The following UGT1A8 variants were observed in gnomAD, a reference collection of about 807,000 sequenced individuals.
UGT1A8 encodes the protein UDP-glucuronosyltransferase 1A8.
Under a neutral mutation model 45.3 loss-of-function variants are expected in UGT1A8, and 39 were observed. The observed-to-expected ratio is 0.86, with a 90% CI of 0.67 to 1.12. UGT1A8 has a LOEUF of 1.12. UGT1A8 is among the 50% of genes most tolerant of loss of function. The pLI, the probability that UGT1A8 is intolerant of heterozygous loss-of-function variation, is 0.00. For synonymous variants in UGT1A8, 275 were observed against 249.2 expected (o/e 1.10, Z -0.97); for missense variants, 719 against 664.9 (o/e 1.08, Z -0.90).
At chr2:233,632,394 G>A (rs956662360) in intron 1 of UGT1A8, among the ~76,000 whole-genome samples, 3 of 152,048 alleles carry the variant, frequency 2.0e-5, no homozygotes, top group African/African-American at 7.2e-5. Flanking sequence ...AGCTTGATGT[G>A]GATAGCATTC....
Position 233,720,632 on chromosome 2 carries a change from G to A in UGT1A8, c.856-46402G>A, listed in dbSNP as rs527749966. 4.6e-5 allele frequency among the ~76,000 whole-genome samples: 7 copies of A among 151,594 alleles called. No homozygotes were observed. In the South Asian group the frequency reaches 1.3e-3, roughly 27 times the overall value. ...AGAATATTTGGGTTTCATTGAAATA[G>A]TACTCTGGGATGTGAAAAACCAAAT... On this transcript the variant is annotated intron_variant, in intron 1 of 4. Coordinates refer to ENST00000373450, the MANE Select transcript of UGT1A8 (RefSeq NM_019076.5).
intron 1 of UGT1A8, chr2:233,692,487 T>G: frequency 1.2e-5 from 2 of 165,804 alleles, no homozygotes; most frequent in Admixed American, 1.1e-4. Context: ...AGGGCAGTCT[T>G]GTAGGACTGA....
chr2:233,666,325 A>T (rs1305476678), intron 1 of UGT1A8, among the ~76,000 whole-genome samples: 1 of 152,184 alleles, frequency 6.6e-6, no homozygotes, highest in Non-Finnish European at 1.5e-5. Context: ...TCAACACTTG[A>T]TTTGGGAGGG....
rs923057819 is a variant in UGT1A8 at position 233,747,207 on chromosome 2, T to G, written c.856-19827T>G. ...TGGACAGTCAGCTGTCCGTGTCTTC[T>G]GCTGAGATGGCCACAGGACCCCAGG... On this transcript the variant is annotated intron_variant, in intron 1 of 4. Transcript: ENST00000373450. The G allele has an allele frequency of 3.1e-6, 5 of 1,605,116 alleles. No individual in the cohort carries two copies. In the African/African-American group the frequency reaches 4.0e-5, roughly 13 times the overall value.
intron 1 of UGT1A8, among the ~76,000 whole-genome samples, chr2:233,661,623 T>TTTTCTTCCTTTCTTTC (rs1553602623): frequency 1.6e-5 from 2 of 123,952 alleles, no homozygotes; most frequent in Admixed American, 8.3e-5. Context: ...ACTTACTGAA[T>TTTTCTTCCTTTCTTTC]TTTCTTTCTT....
At chr2:233,742,286 A>G (rs1691931805) in intron 1 of UGT1A8, among the ~76,000 whole-genome samples, 1 of 152,016 alleles carries the variant, frequency 6.6e-6, no homozygotes, top group African/African-American at 2.4e-5. Context: ...CATCATTTCT[A>G]TAGATTATAG....
At chr2:233,690,659 A>C (rs2075001843) in intron 1 of UGT1A8, 1 of 1,280,562 alleles carries the variant, frequency 7.8e-7, no homozygotes, top group Non-Finnish European at 1.0e-6. Flanking sequence ...CTACAGCACC[A>C]ACCAGGGCAG....
intron 1 of UGT1A8, among the ~76,000 whole-genome samples, chr2:233,641,454 G>T (rs1320046787): frequency 6.6e-6 from 1 of 152,152 alleles, no homozygotes; most frequent in African/African-American, 2.4e-5. Flanking sequence ...ATATCTTGTT[G>T]TACTGCCTAT....
intron 1 of UGT1A8, among the ~76,000 whole-genome samples, chr2:233,674,935 G>A (rs1240946008): frequency 1.3e-5 from 2 of 152,304 alleles, no homozygotes; most frequent in Non-Finnish European, 2.9e-5. Flanking sequence ...GGAAAAGCAT[G>A]CAGTTGGTTA....
At chr2:233,625,177 CAT>C (rs1369438659) in intron 1 of UGT1A8, among the ~76,000 whole-genome samples, 2 of 151,960 alleles carry the variant, frequency 1.3e-5, no homozygotes, top group African/African-American at 4.8e-5. Flanking sequence ...AAAAACATAA[CAT>C]ATGAAAAAAT....
intron 1 of UGT1A8, among the ~76,000 whole-genome samples, chr2:233,624,639 T>A (rs2073062781): frequency 6.6e-6 from 1 of 152,164 alleles, no homozygotes; most frequent in African/African-American, 2.4e-5. Flanking sequence ...TGTTACCTAT[T>A]TTTTTCAAAT....
intron 1 of UGT1A8, chr2:233,691,301 C>G: frequency 1.0e-6 from 1 of 985,520 alleles, no homozygotes. Context: ...GCTGCCAATC[C>G]TCTTGGGAGG....
At chr2:233,731,855 G>A (rs1025455629) in intron 1 of UGT1A8, among the ~76,000 whole-genome samples, 3 of 152,256 alleles carry the variant, frequency 2.0e-5, no homozygotes, top group African/African-American at 2.4e-5. Flanking sequence ...TTGAGGAATC[G>A]CCACACTGTC....
intron 1 of UGT1A8, among the ~76,000 whole-genome samples, chr2:233,674,889 T>G (rs951053626): frequency 2.6e-5 from 4 of 152,242 alleles, no homozygotes; most frequent in Non-Finnish European, 4.4e-5. Context: ...CACTTCATAT[T>G]GCTCCTTCCT....
At chr2:233,672,679 T>C (rs2125502609) in intron 1 of UGT1A8, 1 of 1,613,898 alleles carries the variant, frequency 6.2e-7, no homozygotes, top group African/African-American at 1.3e-5. Flanking sequence ...CAGCCACACA[T>C]CAATTTGGTT....
chr2:233,751,035 T>C (rs1231285641), intron 1 of UGT1A8, among the ~76,000 whole-genome samples: 3 of 151,854 alleles, frequency 2.0e-5, no homozygotes, highest in African/African-American at 7.3e-5. Context: ...TAGCTTGCAC[T>C]GTGTGCCTGG....
At chr2:233,752,070 A>G (rs1694888070) in intron 1 of UGT1A8, among the ~76,000 whole-genome samples, 1 of 152,244 alleles carries the variant, frequency 6.6e-6, no homozygotes, top group Non-Finnish European at 1.5e-5. Flanking sequence ...GAGATGGGGA[A>G]GTCTCTCTAC....
intron 1 of UGT1A8, among the ~76,000 whole-genome samples, chr2:233,766,480 T>TG (rs1699163559): frequency 6.6e-6 from 1 of 152,128 alleles, no homozygotes; most frequent in Non-Finnish European, 1.5e-5. Context: ...AGGCACATGA[T>TG]GGGGGCGTGG....
chr2:233,649,851 T>G (rs1237525246), intron 1 of UGT1A8, among the ~76,000 whole-genome samples: 5 of 152,222 alleles, frequency 3.3e-5, no homozygotes, highest in Non-Finnish European at 5.9e-5. Flanking sequence ...TTGATTTGAC[T>G]GGATCACTTT....
Sources: gnomAD v4.1 joint callset for allele counts (sites outside exome capture counted in the v4.1 genomes callset) on GRCh38, gnomAD v4.1.1 for gene constraint, MANE v1.5 for transcripts, NCBI Gene and HGNC (gene_info 2026-07-23, HGNC 2026-07-21) for gene names.